STK32B: variants seen among roughly 807,000 people sequenced by gnomAD.
The protein encoded by STK32B is serine/threonine-protein kinase 32B.
In STK32B, 43 loss-of-function variants were observed where a neutral mutation model predicts 52.6. The ratio of observed to expected loss-of-function variants is 0.82; its 90% CI spans 0.64 to 1.05. The LOEUF (loss-of-function observed/expected upper bound fraction) is 1.05, where lower values mean the gene tolerates loss of function less well. STK32B is among the 50% of genes least tolerant of loss of function. The pLI is 0.00. For missense variants in STK32B, 621 were observed against 534.6 expected (o/e 1.16, Z -1.59); for synonymous variants, 238 against 204.3 (o/e 1.17, Z -1.41).
intron 11 of STK32B, among the ~76,000 whole-genome samples, chr4:5,479,128 T>TG (rs928984563): frequency 3.8e-4 from 57 of 150,398 alleles, no homozygotes; most frequent in South Asian, 1.7e-3. Flanking sequence ...TTTTTGTTTT[T>TG]TTTTTTTTTT....
intron 3 of STK32B, among the ~76,000 whole-genome samples, chr4:5,206,136 AGTTATGG>A (rs1279330364): frequency 2.0e-5 from 3 of 152,200 alleles, no homozygotes; most frequent in Non-Finnish European, 2.9e-5. Context: ...ATAGAGAAGT[AGTTATGG>A]GTCATAGTCA....
At chr4:5,473,943 C>T (rs1037181133) in intron 11 of STK32B, among the ~76,000 whole-genome samples, 6 of 151,992 alleles carry the variant, frequency 3.9e-5, no homozygotes, top group African/African-American at 1.4e-4. Context: ...GGTGAAGCCC[C>T]ATCTCTAGTA....
At chr4:5,052,783 T>C (rs1577611843) in intron 1 of STK32B, among the ~76,000 whole-genome samples, 1 of 152,168 alleles carries the variant, frequency 6.6e-6, no homozygotes, top group East Asian at 1.9e-4. Flanking sequence ...GCCCTCTGCC[T>C]CTCAAAGCTG....
At chr4:5,172,518 A>G (rs2108742230) in intron 3 of STK32B, among the ~76,000 whole-genome samples, 1 of 152,186 alleles carries the variant, frequency 6.6e-6, no homozygotes, top group Admixed American at 6.5e-5. Context: ...TTTAGCATGA[A>G]GGGTTGTTGA....
intron 1 of STK32B, among the ~76,000 whole-genome samples, chr4:5,066,360 C>A (rs1178760241): frequency 6.6e-6 from 1 of 152,184 alleles, no homozygotes; most frequent in Admixed American, 6.5e-5. Context: ...CATGTGGACT[C>A]TCCTGGGCTT....
chr4:5,254,177 T>A (rs989539654), intron 3 of STK32B, among the ~76,000 whole-genome samples: 7 of 152,220 alleles, frequency 4.6e-5, no homozygotes, highest in Non-Finnish European at 8.8e-5. Context: ...ATTTTTAAAT[T>A]TATCTATGTT....
At chr4:5,448,222 T>G (rs929763139) in intron 7 of STK32B, among the ~76,000 whole-genome samples, 1 of 152,232 alleles carries the variant, frequency 6.6e-6, no homozygotes, top group African/African-American at 2.4e-5. Context: ...TTCTTAGAAT[T>G]CAAAGAAAAT....
At chr4:5,163,764 G>A (rs1718643056) in intron 2 of STK32B, among the ~76,000 whole-genome samples, 1 of 152,180 alleles carries the variant, frequency 6.6e-6, no homozygotes, top group Admixed American at 6.5e-5. Flanking sequence ...CAGTTTGGAA[G>A]CTATCAGTAA....
At chr4:5,384,573 C>T (rs545604352) in intron 4 of STK32B, among the ~76,000 whole-genome samples, 7 of 152,184 alleles carry the variant, frequency 4.6e-5, no homozygotes, top group Admixed American at 1.3e-4. Flanking sequence ...TCTGCAGCCA[C>T]GTTCAGCTGG....
the STK32B span, among the ~76,000 whole-genome samples, chr4:5,025,924 T>G: frequency 6.6e-6 from 1 of 152,200 alleles, no homozygotes; most frequent in Non-Finnish European, 1.5e-5. Context: ...CAATGTGAAG[T>G]ACGCTTGTCT....
At chr4:5,076,223 T>C (rs887276684) in intron 1 of STK32B, among the ~76,000 whole-genome samples, 1 of 152,204 alleles carries the variant, frequency 6.6e-6, no homozygotes, top group African/African-American at 2.4e-5. Flanking sequence ...CATGTGAATG[T>C]AGAGTACGAC....
chr4:5,363,191 A>G (rs1469239043), intron 4 of STK32B, among the ~76,000 whole-genome samples: 2 of 152,266 alleles, frequency 1.3e-5, no homozygotes, highest in Admixed American at 6.5e-5. Context: ...GAATGCAGTC[A>G]TGAAAGTATA....
chr4:5,038,357 CAT>C, the STK32B span, among the ~76,000 whole-genome samples: 2 of 152,216 alleles, frequency 1.3e-5, no homozygotes, highest in South Asian at 4.1e-4. Flanking sequence ...AAATTCAAAA[CAT>C]AGTCATGCAT....
intron 1 of STK32B, among the ~76,000 whole-genome samples, chr4:5,116,403 CA>C (rs1299105623): frequency 3.3e-5 from 5 of 152,326 alleles, no homozygotes; most frequent in Admixed American, 2.6e-4. Flanking sequence ...TATATATTTA[CA>C]GTCTATGGCT....
At chr4:5,468,867 G>A (rs1211341830) in intron 11 of STK32B, among the ~76,000 whole-genome samples, 2 of 152,138 alleles carry the variant, frequency 1.3e-5, no homozygotes, top group African/African-American at 2.4e-5. Context: ...TCGAGACCAC[G>A]GTGAAACCCC....
At chr4:5,331,144 T>TA in intron 3 of STK32B, 76 bp from the exon 4 acceptor site, 3 of 1,418,966 alleles carry the variant, frequency 2.1e-6, no homozygotes, top group Non-Finnish European at 1.9e-6. Context: ...TGCTCTTCTG[T>TA]AAAATGGAGG....
At chr4:5,346,441 TAAAC>T (rs535334956) in intron 4 of STK32B, among the ~76,000 whole-genome samples, 61 of 152,238 alleles carry the variant, frequency 4.0e-4, no homozygotes, top group African/African-American at 1.5e-3. Context: ...GTGGAGTTTG[TAAAC>T]AAACAAACCC....
chr4:5,445,516 G>T (rs1715320132), intron 6 of STK32B, among the ~76,000 whole-genome samples: 1 of 152,124 alleles, frequency 6.6e-6, no homozygotes, highest in East Asian at 1.9e-4. Context: ...TAGTGAGGTG[G>T]AGGTGAGGCA....
chr4:5,029,551 A>G, the STK32B span, among the ~76,000 whole-genome samples: 2 of 152,164 alleles, frequency 1.3e-5, no homozygotes, highest in African/African-American at 4.8e-5. Context: ...GGCTGTAAGC[A>G]ATGGGGCTCT....
Sources: allele counts gnomAD v4.1 joint callset (sites outside exome capture counted in the v4.1 genomes callset), GRCh38; gene constraint gnomAD v4.1.1; transcripts MANE v1.5; gene names NCBI Gene and HGNC (gene_info 2026-07-23, HGNC 2026-07-21).